The following GABRG3 variants were observed in gnomAD, a reference collection of about 807,000 sequenced individuals.
GABRG3 encodes the protein gamma-aminobutyric acid receptor subunit gamma-3.
Under a neutral mutation model 48.8 loss-of-function variants are expected in GABRG3, and 25 were observed. The ratio of observed to expected loss-of-function variants is 0.51; its 90% CI spans 0.37 to 0.72. The LOEUF is 0.72. Among genes scored for constraint, GABRG3 ranks in the 30% least tolerant of loss-of-function variants. GABRG3 has a pLI of 0.00. For synonymous variants in GABRG3, 227 were observed against 217.6 expected (o/e 1.04, Z -0.38); for missense variants, 394 against 577.9 (o/e 0.68, Z 3.26).
intron 5 of GABRG3, among the ~76,000 whole-genome samples, chr15:27,448,503 T>A (rs1009854382): frequency 3.3e-5 from 5 of 152,228 alleles, no homozygotes; most frequent in Non-Finnish European, 5.9e-5. Flanking sequence ...TACGTGGCAC[T>A]GGGATGTGAT....
intron 3 of GABRG3, among the ~76,000 whole-genome samples, chr15:27,204,471 G>A (rs1888791178): frequency 6.6e-6 from 1 of 152,104 alleles, no homozygotes; most frequent in African/African-American, 2.4e-5. Flanking sequence ...GTGATAGTGT[G>A]ATGCTTCCAG....
chr15:27,389,001 T>C (rs1896139135), intron 5 of GABRG3, among the ~76,000 whole-genome samples: 1 of 152,206 alleles, frequency 6.6e-6, no homozygotes. Flanking sequence ...TTACATTTGA[T>C]TGTATGACTT....
intron 3 of GABRG3, among the ~76,000 whole-genome samples, chr15:27,127,764 C>T (rs1360094761): frequency 6.6e-6 from 1 of 151,386 alleles, no homozygotes; most frequent in Non-Finnish European, 1.5e-5. Context: ...AAAACTCATA[C>T]TTCATCTATA....
At chr15:27,437,497 T>C (rs888521603) in intron 5 of GABRG3, among the ~76,000 whole-genome samples, 2 of 152,228 alleles carry the variant, frequency 1.3e-5, no homozygotes, top group Non-Finnish European at 2.9e-5. Context: ...TTGTCCCTGC[T>C]CACTTCCAGT....
At chr15:27,468,269 C>CCATG (rs1271243320) in intron 5 of GABRG3, among the ~76,000 whole-genome samples, 1 of 152,118 alleles carries the variant, frequency 6.6e-6, no homozygotes, top group Non-Finnish European at 1.5e-5. Flanking sequence ...GAGAGTCATG[C>CCATG]CATGGGATTT....
At chr15:26,998,902 T>C (rs1895389473) in intron 2 of GABRG3, among the ~76,000 whole-genome samples, 1 of 152,188 alleles carries the variant, frequency 6.6e-6, no homozygotes, top group Admixed American at 6.5e-5. Context: ...CTTAAAACAA[T>C]TTCCAGGGAT....
intron 3 of GABRG3, among the ~76,000 whole-genome samples, chr15:27,093,844 C>A (rs528506232): frequency 6.6e-6 from 1 of 152,290 alleles, no homozygotes; most frequent in South Asian, 2.1e-4. Flanking sequence ...TAAATGGGTT[C>A]ATGCCTTACT....
chr15:27,325,791 A>C (rs577834293), intron 3 of GABRG3, among the ~76,000 whole-genome samples: 1 of 152,160 alleles, frequency 6.6e-6, no homozygotes, highest in Non-Finnish European at 1.5e-5. Flanking sequence ...ATAAACCTGA[A>C]ATTGAATTAC....
At position 27,519,194 on chromosome 15, in the gene GABRG3, A is replaced by T. The variant is rs1189877785; in HGVS notation, c.713-778A>T. Among the ~76,000 whole-genome samples the T allele has an allele frequency of 2.0e-5, 3 of 152,134 alleles. No individual in the cohort carries two copies. The East Asian group carries it at 5.8e-4, about 29-fold the overall frequency. ...AAATGGGGAGGATGAGGATGAGGAGATAATCTCAGCAAGAGGTGGCCTAGA... is the reference window on the plus strand; with the variant it reads ...AAATGGGGAGGATGAGGATGAGGAGTTAATCTCAGCAAGAGGTGGCCTAGA... On this transcript the variant is annotated intron_variant, in intron 6 of 9. Transcript: ENST00000615808.
chr15:27,077,271 G>T (rs1221301682), intron 3 of GABRG3, among the ~76,000 whole-genome samples: 2 of 152,166 alleles, frequency 1.3e-5, no homozygotes, highest in Non-Finnish European at 2.9e-5. Context: ...CATTAGCAGA[G>T]CGGTTCCAAC....
chr15:27,148,590 T>G (rs1385512085), intron 3 of GABRG3, among the ~76,000 whole-genome samples: 1 of 151,972 alleles, frequency 6.6e-6, no homozygotes, highest in Non-Finnish European at 1.5e-5. Context: ...CAAATACTGT[T>G]GCAAAGATTC....
At chr15:27,502,532 T>C (rs1462948990) in intron 6 of GABRG3, among the ~76,000 whole-genome samples, 1 of 152,096 alleles carries the variant, frequency 6.6e-6, no homozygotes, top group Non-Finnish European at 1.5e-5. Flanking sequence ...ACCAGCTGGG[T>C]GTCCACCTAT....
At chr15:27,286,819 G>A (rs139944196) in intron 3 of GABRG3, among the ~76,000 whole-genome samples, 9 of 152,116 alleles carry the variant, frequency 5.9e-5, no homozygotes, top group African/African-American at 1.9e-4. Context: ...CCTATGGCAG[G>A]GAGAGCCCCT....
intron 5 of GABRG3, among the ~76,000 whole-genome samples, chr15:27,471,113 T>G (rs566154266): frequency 6.6e-6 from 1 of 152,174 alleles, no homozygotes; most frequent in Admixed American, 6.5e-5. Context: ...CTCCCAAAAT[T>G]TAGAGGCCAG....
At chr15:27,307,761 A>G (rs1369278976) in intron 3 of GABRG3, among the ~76,000 whole-genome samples, 4 of 115,092 alleles carry the variant, frequency 3.5e-5, no homozygotes, top group East Asian at 4.5e-4. Context: ...ATAAACATAT[A>G]AAATAAACAT....
intron 5 of GABRG3, among the ~76,000 whole-genome samples, chr15:27,467,288 G>A (rs926581668): frequency 6.6e-6 from 1 of 152,144 alleles, no homozygotes; most frequent in Non-Finnish European, 1.5e-5. Context: ...CCTCCCAAAT[G>A]CCCCACCTTC....
intron 3 of GABRG3, among the ~76,000 whole-genome samples, chr15:27,289,622 A>G: frequency 6.6e-6 from 1 of 152,168 alleles, no homozygotes; most frequent in East Asian, 1.9e-4. Context: ...GTATCCATGG[A>G]GCTATGGTCT....
At chr15:27,424,679 G>A (rs760421345) in intron 5 of GABRG3, among the ~76,000 whole-genome samples, 23 of 150,648 alleles carry the variant, frequency 1.5e-4, no homozygotes, top group South Asian at 4.2e-4. Context: ...TCAGCCTCCC[G>A]AGTAGTTGAG....
chr15:27,207,541 T>A (rs1888894813), intron 3 of GABRG3, among the ~76,000 whole-genome samples: 1 of 152,196 alleles, frequency 6.6e-6, no homozygotes, highest in South Asian at 2.1e-4. Context: ...ATACAGCCTC[T>A]AGTGGAAAGT....
Sources: gnomAD v4.1 joint callset for allele counts (sites outside exome capture counted in the v4.1 genomes callset) on GRCh38, gnomAD v4.1.1 for gene constraint, MANE v1.5 for transcripts, NCBI Gene and HGNC (gene_info 2026-07-23, HGNC 2026-07-21) for gene names.